The following PICALM variants were observed in gnomAD, a reference collection of about 807,000 sequenced individuals.
The protein encoded by PICALM is phosphatidylinositol-binding clathrin assembly protein.
A neutral mutation model predicts 80.5 loss-of-function variants in PICALM; 40 were observed. The observed-to-expected ratio is 0.50, with a 90% CI of 0.39 to 0.65. The LOEUF is 0.65. Ranked by LOEUF, PICALM falls within the 30% of genes least tolerant of loss-of-function variation. PICALM has a pLI of 0.00. For missense variants in PICALM, 676 were observed against 778.9 expected (o/e 0.87, Z 1.57); for synonymous variants, 288 against 260.3 (o/e 1.11, Z -1.02).
At chr11:86,023,525 A>G (rs2095601115) in intron 3 of PICALM, 1 of 984,776 alleles carries the variant, frequency 1.0e-6, no homozygotes. Flanking sequence ...CTCATCCTTC[A>G]AGGCTCAACC....
chr11:85,990,165 T>C (rs1315968841), intron 13 of PICALM, 85 bp downstream of exon 13: 5 of 698,390 alleles, frequency 7.2e-6, no homozygotes, highest in Non-Finnish European at 1.1e-5. Flanking sequence ...ACTATTGCAG[T>C]GCTTTTAAAA....
intron 19 of PICALM, among the ~76,000 whole-genome samples, chr11:85,962,179 T>C (rs1175371048): frequency 6.6e-6 from 1 of 152,114 alleles, no homozygotes; most frequent in Non-Finnish European, 1.5e-5. Context: ...AATTAAGGTA[T>C]AACTACTGGA....
chr11:85,983,632 T>C (rs1276362864), intron 14 of PICALM, among the ~76,000 whole-genome samples: 1 of 152,164 alleles, frequency 6.6e-6, no homozygotes, highest in Admixed American at 6.5e-5. Context: ...TCTTTTTCTC[T>C]CTTATTTTGC....
rs548295800 is a variant in PICALM at position 86,023,540 on chromosome 11, G to C, written c.350-1071C>G. 343 of 984,550 alleles carry C rather than the reference G, an allele frequency of 3.5e-4. No homozygotes were observed. In the African/African-American group the frequency reaches 5.8e-3, roughly 17 times the overall value. The allele number at this position is 984,550 out of a possible 1,614,324, so 61.0% of individuals were successfully genotyped here. A position where few individuals can be genotyped will look rare whatever the true frequency, so the allele number is the denominator to read the frequency against. ...CTCATCCTTCAAGGCTCAACCTCTC[G>C]TCTACATAAAAAGAGTGAAATTATT... is the stretch of plus-strand genomic sequence containing the variant. On this transcript the variant is annotated intron_variant, in intron 3 of 19. Transcript: ENST00000393346.
intron 7 of PICALM, among the ~76,000 whole-genome samples, chr11:86,008,359 T>C (rs567034110): frequency 1.4e-4 from 21 of 152,242 alleles, no homozygotes; most frequent in Admixed American, 8.5e-4. Context: ...TGGTGGCTCA[T>C]GTCTGTAATC....
At chr11:86,034,005 C>A (rs1425564251) in intron 1 of PICALM, among the ~76,000 whole-genome samples, 1 of 152,038 alleles carries the variant, frequency 6.6e-6, no homozygotes, top group African/African-American at 2.4e-5. Context: ...GGGGATCTAA[C>A]AAATAAAGGT....
At chr11:85,984,446 T>C (rs957291197) in intron 13 of PICALM, among the ~76,000 whole-genome samples, 7 of 152,186 alleles carry the variant, frequency 4.6e-5, no homozygotes. Flanking sequence ...TTTCTCTCCA[T>C]CCTTCCTTCA....
rs542599477 is a variant in PICALM, at chr11:85,991,329, G to C, written c.1259-930C>G. ...TCTCAACAGTGGAATCTTCTTGTCT[G>C]TTCTAGTTTAGTTCTTGACCTTCAC... On this transcript the variant is annotated intron_variant, in intron 12 of 19. Coordinates refer to ENST00000393346, the MANE Select transcript of PICALM (RefSeq NM_007166.4). 1.8e-4 allele frequency among the ~76,000 whole-genome samples: 27 copies of C among 152,214 alleles called. 1 individual carries two copies. The South Asian group carries it at 5.0e-3, about 28-fold the overall frequency.
intron 18 of PICALM, among the ~76,000 whole-genome samples, chr11:85,976,255 T>C (rs539471897): frequency 1.3e-5 from 2 of 152,218 alleles, no homozygotes; most frequent in Non-Finnish European, 2.9e-5. Context: ...AATTTATCTC[T>C]ATACAATTCA....
intron 2 of PICALM, among the ~76,000 whole-genome samples, chr11:86,030,652 G>A (rs916552037): frequency 1.3e-5 from 2 of 152,194 alleles, no homozygotes; most frequent in Non-Finnish European, 2.9e-5. Context: ...ATTTTCAAAA[G>A]CGTATATATC....
chr11:86,056,588 G>C (rs2096273434), intron 1 of PICALM, among the ~76,000 whole-genome samples: 1 of 152,110 alleles, frequency 6.6e-6, no homozygotes, highest in South Asian at 2.1e-4. Flanking sequence ...ATGTAAAACA[G>C]TGTCACTGAT....
intron 4 of PICALM, among the ~76,000 whole-genome samples, chr11:86,019,729 T>A (rs2095535526): frequency 6.6e-6 from 1 of 152,216 alleles, no homozygotes. Context: ...TCCTGATGGA[T>A]TTGGAATGGC....
intron 1 of PICALM, among the ~76,000 whole-genome samples, chr11:86,060,412 A>G (rs1478469849): frequency 6.6e-6 from 1 of 152,208 alleles, no homozygotes; most frequent in East Asian, 1.9e-4. Flanking sequence ...GCAAAACTCT[A>G]TTTTGTGGTT....
intron 19 of PICALM, among the ~76,000 whole-genome samples, chr11:85,969,930 A>G (rs1439845844): frequency 6.6e-6 from 1 of 152,232 alleles, no homozygotes; most frequent in Non-Finnish European, 1.5e-5. Flanking sequence ...CTATTAGCCA[A>G]CAAATCAAAC....
chr11:86,004,063 T>C (rs1403981033), intron 8 of PICALM, among the ~76,000 whole-genome samples: 2 of 152,324 alleles, frequency 1.3e-5, no homozygotes, highest in African/African-American at 4.8e-5. Flanking sequence ...ACACCTACCT[T>C]AATGACCCAA....
At chr11:86,012,546 G>T (rs541942692) in intron 5 of PICALM, among the ~76,000 whole-genome samples, 154 bp from the exon 6 acceptor site, 1 of 152,054 alleles carries the variant, frequency 6.6e-6, no homozygotes, top group South Asian at 2.1e-4. Flanking sequence ...TAAAGATCAC[G>T]GTGCAGTAGC....
At chr11:85,974,936 T>A in intron 18 of PICALM, 124 bp from the exon 19 acceptor site, 2 of 697,352 alleles carry the variant, frequency 2.9e-6, no homozygotes, top group Non-Finnish European at 5.2e-6. Context: ...GGTAACTTCC[T>A]CTGAATATAA....
intron 6 of PICALM, among the ~76,000 whole-genome samples, chr11:86,011,601 G>A (rs959824626): frequency 6.6e-6 from 1 of 151,994 alleles, no homozygotes; most frequent in African/African-American, 2.4e-5. Context: ...GCCTTCCAAA[G>A]CTTTATAGAA....
chr11:86,024,866 C>T (rs2095625188), intron 3 of PICALM, among the ~76,000 whole-genome samples: 1 of 152,116 alleles, frequency 6.6e-6, no homozygotes, highest in Admixed American at 6.5e-5. Flanking sequence ...CTTAAGCCAA[C>T]TCATCTTCTC....
Sources: gnomAD v4.1 joint callset for allele counts (sites outside exome capture counted in the v4.1 genomes callset) on GRCh38, gnomAD v4.1.1 for gene constraint, MANE v1.5 for transcripts, NCBI Gene and HGNC (gene_info 2026-07-23, HGNC 2026-07-21) for gene names.